CUX2: variants seen among roughly 807,000 people sequenced by gnomAD.
CUX2 encodes cut like homeobox 2, also known as homeobox protein cut-like 2.
A neutral mutation model predicts 144.8 loss-of-function variants in CUX2; 40 were observed. The observed-to-expected ratio is 0.28, with a 90% CI of 0.21 to 0.36. The LOEUF (loss-of-function observed/expected upper bound fraction) is 0.36, where lower values mean the gene tolerates loss of function less well. Among genes scored for constraint, CUX2 ranks in the 10% least tolerant of loss-of-function variants. The probability of loss-of-function intolerance (pLI) is 1.00; values close to 1 mark genes in which losing one functional copy is unlikely to be tolerated. For missense variants in CUX2, 1,615 were observed against 1,994.0 expected (o/e 0.81, Z 3.62); for synonymous variants, 827 against 875.6 (o/e 0.94, Z 0.98).
intron 1 of CUX2, among the ~76,000 whole-genome samples, chr12:111,048,472 A>G (rs189518461): frequency 6.6e-6 from 1 of 152,324 alleles, no homozygotes; most frequent in East Asian, 1.9e-4. Flanking sequence ...TGGTAAGCGT[A>G]TGGCTGGTTT....
At chr12:111,159,523 C>T (rs936412813) in intron 1 of CUX2, among the ~76,000 whole-genome samples, 1 of 152,130 alleles carries the variant, frequency 6.6e-6, no homozygotes, top group African/African-American at 2.4e-5. Context: ...TTGGGTAGCT[C>T]ATTTAAAAAT....
intron 1 of CUX2, among the ~76,000 whole-genome samples, chr12:111,046,337 A>G (rs1441956578): frequency 6.6e-6 from 1 of 152,252 alleles, no homozygotes; most frequent in African/African-American, 2.4e-5. Context: ...TCTTACTGCC[A>G]TGCAAGCCAG....
intron 1 of CUX2, among the ~76,000 whole-genome samples, chr12:111,050,832 T>G (rs1870228255): frequency 6.6e-6 from 1 of 152,234 alleles, no homozygotes; most frequent in African/African-American, 2.4e-5. Context: ...TAAGAATTTT[T>G]TAATAGAAGT....
chr12:111,120,159 T>C (rs1448766011), intron 1 of CUX2, among the ~76,000 whole-genome samples: 2 of 152,102 alleles, frequency 1.3e-5, no homozygotes, highest in East Asian at 3.8e-4. Flanking sequence ...TTGAAGTCAC[T>C]CTTTTGGTTG....
intron 1 of CUX2, among the ~76,000 whole-genome samples, chr12:111,172,510 A>C (rs1878607506): frequency 6.6e-6 from 1 of 152,206 alleles, no homozygotes; most frequent in African/African-American, 2.4e-5. Flanking sequence ...GTGCTGGCCA[A>C]CACTGGCTAC....
At chr12:111,047,688 A>G (rs1256841977) in intron 1 of CUX2, among the ~76,000 whole-genome samples, 2 of 152,198 alleles carry the variant, frequency 1.3e-5, no homozygotes, top group Non-Finnish European at 2.9e-5. Flanking sequence ...TTTGCTCTGA[A>G]TCTGACATTC....
intron 21 of CUX2, among the ~76,000 whole-genome samples, chr12:111,346,942 G>A (rs557963283): frequency 6.6e-6 from 1 of 152,296 alleles, no homozygotes; most frequent in South Asian, 2.1e-4. Context: ...AACCCAGGAG[G>A]CAGAGGTTGC....
intron 9 of CUX2, among the ~76,000 whole-genome samples, chr12:111,302,698 G>C (rs1444537260): frequency 1.3e-5 from 2 of 150,634 alleles, no homozygotes; most frequent in Non-Finnish European, 3.0e-5. Context: ...CCAGGAGTTA[G>C]AGACCAGCCT....
At chr12:111,177,398 A>G (rs1230412787) in intron 1 of CUX2, among the ~76,000 whole-genome samples, 1 of 151,608 alleles carries the variant, frequency 6.6e-6, no homozygotes, top group Non-Finnish European at 1.5e-5. Flanking sequence ...GAAGACAAGG[A>G]TGATTTTTTT....
chr12:111,184,138 A>G (rs966767828), intron 1 of CUX2, among the ~76,000 whole-genome samples: 3 of 152,168 alleles, frequency 2.0e-5, no homozygotes, highest in Non-Finnish European at 2.9e-5. Flanking sequence ...GGCAACATCT[A>G]TGACATTTAC....
Position 111,287,561 on chromosome 12 carries a change from G to T in CUX2, c.302-3857G>T, listed in dbSNP as rs576468094. 1.3e-5 allele frequency among the ~76,000 whole-genome samples: 2 copies of T among 152,254 alleles called. No individual in the cohort carries two copies. The highest frequency in any genetic ancestry group is 4.8e-5 in the African/African-American group (2 of 41,462). On this transcript the variant is annotated intron_variant, in intron 4 of 21. Transcript: ENST00000261726. This position sits in a 1 kb window ranked among gnomAD's most constrained non-coding sequence, Gnocchi z 4.2. ...ATGCACACAACAAATAATTATAGAT[G>T]AATTTTTAGCTGGCCTGCCTAATGC...
chr12:111,221,015 C>T (rs1025570481), intron 3 of CUX2, among the ~76,000 whole-genome samples: 3 of 150,274 alleles, frequency 2.0e-5, no homozygotes, highest in African/African-American at 7.3e-5. Context: ...GGGTCTGGCA[C>T]ACCGTTGGTG....
chr12:111,210,797 CAA>C (rs543644206), intron 1 of CUX2, among the ~76,000 whole-genome samples: 6 of 125,050 alleles, frequency 4.8e-5, no homozygotes, highest in African/African-American at 6.0e-5. Context: ...GACCCTGTCT[CAA>C]AAAAAAAAAA....
intron 16 of CUX2, among the ~76,000 whole-genome samples, chr12:111,315,419 T>C (rs1887138959): frequency 6.6e-6 from 1 of 152,146 alleles, no homozygotes; most frequent in African/African-American, 2.4e-5. Context: ...GAACTTTTAA[T>C]GATAAGAAAA....
At chr12:111,345,749 A>G (rs778576701) in intron 21 of CUX2, among the ~76,000 whole-genome samples, 20 of 151,902 alleles carry the variant, frequency 1.3e-4, no homozygotes, top group Non-Finnish European at 1.2e-4. Flanking sequence ...AAAAAAAAAA[A>G]AAAGTTTCAC....
intron 1 of CUX2, among the ~76,000 whole-genome samples, chr12:111,175,416 A>T (rs1420863505): frequency 6.6e-6 from 1 of 151,482 alleles, no homozygotes; most frequent in African/African-American, 2.4e-5. Flanking sequence ...AAGTGGTGAG[A>T]AACACATATT....
At chr12:111,107,556 C>A (rs893796495) in intron 1 of CUX2, among the ~76,000 whole-genome samples, 1 of 152,252 alleles carries the variant, frequency 6.6e-6, no homozygotes, top group Non-Finnish European at 1.5e-5. Flanking sequence ...TCTGTTCTTG[C>A]TGGCTCTAGG....
At chr12:111,127,902 A>T (rs1425755593) in intron 1 of CUX2, among the ~76,000 whole-genome samples, 1 of 152,208 alleles carries the variant, frequency 6.6e-6, no homozygotes, top group African/African-American at 2.4e-5. Flanking sequence ...TGTGAGACTT[A>T]TTCACTATCA....
chr12:111,088,477 A>G (rs1191898232), intron 1 of CUX2, among the ~76,000 whole-genome samples: 1 of 152,132 alleles, frequency 6.6e-6, no homozygotes, highest in African/African-American at 2.4e-5. Context: ...GACTGAAACC[A>G]CTGCATTAAT....
Sources: gnomAD v4.1 joint callset for allele counts (sites outside exome capture counted in the v4.1 genomes callset) on GRCh38, gnomAD v4.1.1 for gene constraint, Gnocchi (gnomAD v3.1) non-coding constraint, MANE v1.5 for transcripts, NCBI Gene and HGNC (gene_info 2026-07-23, HGNC 2026-07-21) for gene names.